The following IL31RA variants were observed in gnomAD, a reference collection of about 807,000 sequenced individuals.
IL31RA encodes interleukin 31 receptor A.
Under a neutral mutation model 83.7 loss-of-function variants are expected in IL31RA, and 66 were observed. That is an observed-to-expected ratio of 0.79 (90% confidence interval 0.65 to 0.97). The LOEUF (loss-of-function observed/expected upper bound fraction) is 0.97. Among genes scored for constraint, IL31RA ranks in the 50% least tolerant of loss-of-function variants. IL31RA has a pLI of 0.00. For missense variants in IL31RA, 798 were observed against 919.4 expected (o/e 0.87, Z 1.71); for synonymous variants, 325 against 329.0 (o/e 0.99, Z 0.13).
chr5:55,900,247 G>A, intron 8 of IL31RA, 115 bp downstream of exon 8: 1 of 794,096 alleles, frequency 1.3e-6, no homozygotes, highest in Admixed American at 1.8e-5. Flanking sequence ...AAATGGAGTG[G>A]GAACCTTTTA....
At chr5:55,897,015 A>ATATT (rs1413221761) in intron 7 of IL31RA, among the ~76,000 whole-genome samples, 1 of 842 alleles carries the variant, frequency 1.2e-3, no homozygotes, top group African/African-American at 0.011. Context: ...ATATATATAT[A>ATATT]TTTTTTTTTT....
chr5:55,919,373 A>G lies in IL31RA; in HGVS notation c.*2253A>G, dbSNP rs185434111. Among the ~76,000 whole-genome samples the G allele has an allele frequency of 6.6e-5, 10 of 152,198 alleles. No individual in the cohort carries two copies. Among genetic ancestry groups the G allele is most frequent in the African/African-American group, 1.9e-4 (8 of 41,434 alleles). Reference sequence around the variant, plus strand: ...TGATGGGAGAGAAAATGGATCCCCAATGGCTCCTGTGAGTGGATTCCAGAG... The same window carrying G: ...TGATGGGAGAGAAAATGGATCCCCAGTGGCTCCTGTGAGTGGATTCCAGAG... On this transcript the variant is annotated 3_prime_UTR_variant, in exon 15 of 15. Transcript: ENST00000652347.
chr5:55,842,580 T>A, the IL31RA span, among the ~76,000 whole-genome samples: 2 of 152,250 alleles, frequency 1.3e-5, no homozygotes, highest in Non-Finnish European at 2.9e-5. Context: ...TTTCAGGGAC[T>A]CACATCCCTT....
At chr5:55,872,794 A>G (rs989621938) in intron 4 of IL31RA, among the ~76,000 whole-genome samples, 2 of 152,076 alleles carry the variant, frequency 1.3e-5, no homozygotes, top group African/African-American at 4.8e-5. Context: ...TTGCTCATAA[A>G]CGAAAAGAGC....
At chr5:55,909,420 A>G (rs1271375534) in intron 11 of IL31RA, among the ~76,000 whole-genome samples, 1 of 152,142 alleles carries the variant, frequency 6.6e-6, no homozygotes, top group Admixed American at 6.5e-5. Flanking sequence ...TCTTTGGGGC[A>G]TATACCTAGA....
At chr5:55,841,014 G>A in the IL31RA span, among the ~76,000 whole-genome samples, 1 of 152,074 alleles carries the variant, frequency 6.6e-6, no homozygotes, top group Non-Finnish European at 1.5e-5. Flanking sequence ...TAATTAACCT[G>A]GGATTAAGAT....
intron 5 of IL31RA, among the ~76,000 whole-genome samples, chr5:55,888,194 T>A (rs1747754716): frequency 6.6e-6 from 1 of 152,230 alleles, no homozygotes; most frequent in African/African-American, 2.4e-5. Context: ...AGCTAATTAA[T>A]GTTTTAGTAG....
Position 55,903,203 on chromosome 5 carries a change from G to C in IL31RA, c.1070-2903G>C, listed in dbSNP as rs1224133302. Among the ~76,000 whole-genome samples the C allele has an allele frequency of 6.6e-6, 1 of 152,236 alleles. No individual in the cohort carries two copies. Among genetic ancestry groups the C allele is most frequent in the African/African-American group, 2.4e-5 (1 of 41,466 alleles). On this transcript the variant is annotated intron_variant, in intron 8 of 14. Coordinates refer to ENST00000652347, the MANE Select transcript of IL31RA (RefSeq NM_139017.7). The surrounding 1 kb of genome is among the most constrained non-coding windows in gnomAD (Gnocchi z 4.7). ...CAGGGCATCGGAAAGCCCGGCCACT[G>C]TGTCATAAGGCCAGAGGAGGAAGAT...
chr5:55,858,418 C>CT (rs1214076396), intron 1 of IL31RA, among the ~76,000 whole-genome samples: 1 of 152,060 alleles, frequency 6.6e-6, no homozygotes, highest in Admixed American at 6.6e-5. Flanking sequence ...TTAAAGACAC[C>CT]TTTTTTCTTC....
chr5:55,907,457 G>T lies in IL31RA; in HGVS notation c.1351G>T (p.Gly451Cys). ...PYSIQAYAKE[G>C]VPSEGPETKV... Reference sequence around the variant, plus strand: ...TTCCATCCAGGCTTATGCCAAAGAAGGCGGTATGAATGGACAAGACCCTGT... The same window carrying T: ...TTCCATCCAGGCTTATGCCAAAGAATGCGGTATGAATGGACAAGACCCTGT... Residue 451 changes from glycine to cysteine, a missense_variant, in exon 10 of 15, where the codon GGC becomes TGC. By Grantham distance (159) the Gly-to-Cys change is radical (BLOSUM62 -3). Transcript: ENST00000652347. 1 of 1,604,516 alleles carries T rather than the reference G, an allele frequency of 6.2e-7. No individual in the cohort carries two copies. Among genetic ancestry groups the T allele is most frequent in the Non-Finnish European group, 8.5e-7 (1 of 1,171,150 alleles).
rs1373432096 is a variant in IL31RA at position 55,900,116 on chromosome 5, A to G, written c.1053A>G (p.Pro351=). 3.1e-6 allele frequency: 5 copies of G among 1,612,748 alleles called. No homozygotes were observed. The highest frequency in any genetic ancestry group is 4.2e-6 in the Non-Finnish European group (5 of 1,178,716). The part of the protein sequence containing the change: ...GKSPVATLRI[P]AIQEKSFQCI... ...CTCCAGTGGCCACCCTGAGGATTCC[A>G]GCTATTCAAGAAAAATGTAAGTAGA... The change falls in exon 8 of 15, where the codon CCA becomes CCG. Residue 351 remains proline (P), a synonymous_variant. Coordinates refer to ENST00000652347, the MANE Select transcript of IL31RA (RefSeq NM_139017.7).
At chr5:55,887,799 G>A (rs1370185010) in intron 5 of IL31RA, among the ~76,000 whole-genome samples, 2 of 151,858 alleles carry the variant, frequency 1.3e-5, no homozygotes, top group Admixed American at 1.3e-4. Context: ...GCAGGAGAAT[G>A]GCATGAACCC....
intron 4 of IL31RA, among the ~76,000 whole-genome samples, chr5:55,877,879 G>A (rs1397445605): frequency 6.6e-6 from 1 of 152,088 alleles, no homozygotes; most frequent in Non-Finnish European, 1.5e-5. Flanking sequence ...CATCACATTT[G>A]GGGACTTTTT....
rs1750108001 is a variant in IL31RA, at chr5:55,922,020, A to C, written c.*4900A>C. 1.6e-5 allele frequency among the ~76,000 whole-genome samples: 2 copies of C among 124,014 alleles called. No individual in the cohort carries two copies. Among genetic ancestry groups the C allele is most frequent in the Non-Finnish European group, 3.2e-5 (2 of 62,982 alleles). The allele number at this position is 124,014 out of a possible 152,430, so 81.4% of individuals were successfully genotyped here. On this transcript the variant is annotated 3_prime_UTR_variant, in exon 15 of 15. Transcript: ENST00000652347. ...AAGCCTACTTGTAATCAAAATGTGT[A>C]GTGTGGTCAGTGTCTTGCACTCTTA...
chr5:55,887,535 T>G lies in IL31RA; in HGVS notation c.607-2435T>G, dbSNP rs183244180. On this transcript the variant is annotated intron_variant, in intron 5 of 14. Transcript: ENST00000652347. ...TGGGTGGATCACCTGAGATCAGGAG[T>G]TAGGGACCAGCCTGGCCAACATAGT... Among the ~76,000 whole-genome samples, 18 of 150,698 alleles carry G rather than the reference T, an allele frequency of 1.2e-4. No individual in the cohort carries two copies. The East Asian group carries it at 3.3e-3, about 28-fold the overall frequency.
At chr5:55,854,974 C>G (rs1394270718) in intron 1 of IL31RA, among the ~76,000 whole-genome samples, 1 of 152,002 alleles carries the variant, frequency 6.6e-6, no homozygotes, top group Non-Finnish European at 1.5e-5. Context: ...CACCCTTCTA[C>G]TTGATCAGTG....
intron 2 of IL31RA, among the ~76,000 whole-genome samples, chr5:55,863,441 C>T (rs530768385): frequency 6.6e-6 from 1 of 152,348 alleles, no homozygotes; most frequent in South Asian, 2.1e-4. Flanking sequence ...GCTCTGCTAT[C>T]CTCACACACA....
Position 55,866,000 on chromosome 5 carries a change from G to A in IL31RA, c.155-2791G>A, listed in dbSNP as rs536537124. The stretch of plus-strand genomic sequence containing the variant: ...CCCCTCTGCCATCTGCCATGGGGCA[G>A]CTGGCTTTGCCTGTGCTTTGGGCCA... On this transcript the variant is annotated intron_variant, in intron 2 of 14. Transcript: ENST00000652347. 3.3e-5 allele frequency among the ~76,000 whole-genome samples: 5 copies of A among 152,324 alleles called. No homozygotes were observed. In the South Asian group the frequency reaches 6.2e-4, roughly 19 times the overall value.
chr5:55,905,822 G>C (rs1356168895), intron 8 of IL31RA, among the ~76,000 whole-genome samples: 1 of 152,206 alleles, frequency 6.6e-6, no homozygotes, highest in Non-Finnish European at 1.5e-5. Flanking sequence ...CCTGTGGAAG[G>C]TAAGTCTTTT....
Sources: gnomAD v4.1 joint callset for allele counts (sites outside exome capture counted in the v4.1 genomes callset) on GRCh38, gnomAD v4.1.1 for gene constraint, Gnocchi (gnomAD v3.1) non-coding constraint, MANE v1.5 for transcripts, NCBI Gene and HGNC (gene_info 2026-07-23, HGNC 2026-07-21) for gene names.